Variants in SPATA2 observed in about 807,000 individuals in gnomAD.
The protein encoded by SPATA2 is spermatogenesis-associated protein 2.
A neutral mutation model predicts 35.4 loss-of-function variants in SPATA2; 8 were observed. The observed-to-expected ratio is 0.23, with a 90% CI of 0.13 to 0.41. The LOEUF (loss-of-function observed/expected upper bound fraction) is 0.41, where lower values mean the gene tolerates loss of function less well. SPATA2 is among the 10% of genes least tolerant of loss of function. The pLI, the probability that SPATA2 is intolerant of heterozygous loss-of-function variation, is 1.00. For synonymous variants in SPATA2, 293 were observed against 300.9 expected (o/e 0.97, Z 0.27); for missense variants, 650 against 698.7 (o/e 0.93, Z 0.79).
rs567233644 is a variant in SPATA2, at chr20:49,903,663, G to T, written c.*1956C>A. ...AGTCATTCCTGCTTTTGTCCATAGG[G>T]TAAGTTACGTGGCATCACGGTTGGT... On this transcript the variant is annotated 3_prime_UTR_variant, in exon 3 of 3. Coordinates refer to ENST00000289431, the MANE Select transcript of SPATA2 (RefSeq NM_006038.4). 3 of 152,062 alleles carry T rather than the reference G, an allele frequency of 2.0e-5. No homozygotes were observed. The South Asian group carries it at 6.2e-4, about 32-fold the overall frequency. The allele number at this position is 152,062 out of a possible 1,614,324, so 9.4% of individuals were successfully genotyped here.
chr20:49,903,914 T>TAG lies in SPATA2; in HGVS notation c.*1704_*1705insCT, dbSNP rs2090123315. 3.2e-5 allele frequency: 1 copy of TAG among 30,834 alleles called. No homozygotes were observed. The highest frequency in any genetic ancestry group is 4.2e-4 in the Admixed American group (1 of 2,396). The allele number at this position is 30,834 out of a possible 1,614,324, so 1.9% of individuals were successfully genotyped here. ...GATCTACCAGATAGATATATATATA[T>TAG]ATATATATATATATATATATATATA... On this transcript the variant is annotated 3_prime_UTR_variant, in exon 3 of 3. Transcript: ENST00000289431.
chr20:49,912,040 C>T (rs1445729884), intron 1 of SPATA2, among the ~76,000 whole-genome samples: 1 of 152,202 alleles, frequency 6.6e-6, no homozygotes, highest in Non-Finnish European at 1.5e-5. Flanking sequence ...GGAGACACAT[C>T]CTGCCTGCAG....
At chr20:49,907,609 C>T (rs1448068331) in intron 2 of SPATA2, among the ~76,000 whole-genome samples, 1 of 147,924 alleles carries the variant, frequency 6.8e-6, no homozygotes. Context: ...TACCACTCCT[C>T]CCATGGCAGA....
chr20:49,906,544 C>T lies in SPATA2; in HGVS notation c.638G>A (p.Arg213Gln), dbSNP rs762310104. 7.4e-6 allele frequency: 12 copies of T among 1,613,166 alleles called. No individual in the cohort carries two copies. Among genetic ancestry groups the T allele is most frequent in the East Asian group, 2.2e-5 (1 of 44,888 alleles). ...CAGGTGCTCCCGGCCCTCTGCCCGC[C>T]GCCGCAGGGCGTCCGAGCAGCCGCG... ...DVRGCSDALR[R>Q]RAEGREHLTA... Residue 213 changes from arginine (R) to glutamine (Q), a missense_variant, in exon 3 of 3, where the codon CGG becomes CAG. By Grantham distance (43) the Arg-to-Gln change is conservative. Transcript: ENST00000289431. The surrounding 1 kb of genome is among the most constrained non-coding windows in gnomAD (Gnocchi z 8.2).
rs376213512 is a variant in SPATA2 at position 49,908,540 on chromosome 20, C to T, written c.-50G>A. 7 of 1,455,064 alleles carry T rather than the reference C, an allele frequency of 4.8e-6. No homozygotes were observed. The African/African-American group carries it at 9.8e-5, about 20-fold the overall frequency. The allele number at this position is 1,455,064 out of a possible 1,614,324, so 90.1% of individuals were successfully genotyped here. A position where few individuals can be genotyped will look rare whatever the true frequency, so the allele number is the denominator to read the frequency against. On this transcript the variant is annotated 5_prime_UTR_variant, in exon 2 of 3. Transcript: ENST00000289431. Reference sequence around the variant, plus strand: ...TCCTCCATGGCTTCTGGATTAGAGGCAGGGACATCACTAAAAGCATGGACA... The same window carrying T: ...TCCTCCATGGCTTCTGGATTAGAGGTAGGGACATCACTAAAAGCATGGACA...
chr20:49,914,739 G>A (rs767000345), intron 1 of SPATA2, among the ~76,000 whole-genome samples: 7 of 152,214 alleles, frequency 4.6e-5, no homozygotes, highest in East Asian at 3.8e-4. Flanking sequence ...CCCTGCAGGG[G>A]ACAGAAGCTG....
rs376995025 is a variant in SPATA2 at position 49,905,395 on chromosome 20, G to C, written c.*224C>G. On this transcript the variant is annotated 3_prime_UTR_variant, in exon 3 of 3. Transcript: ENST00000289431. ...AGAGATTAGCAAAATGAATCTGAAC[G>C]GAAGTGCCACCTTCTCCCTTGTCAG... is the stretch of plus-strand genomic sequence containing the variant. 4 of 571,868 alleles carry C rather than the reference G, an allele frequency of 7.0e-6. No homozygotes were observed. Among genetic ancestry groups the C allele is most frequent in the Non-Finnish European group, 1.2e-5 (4 of 321,076 alleles). The allele number at this position is 571,868 out of a possible 1,614,324, so 35.4% of individuals were successfully genotyped here. A position where few individuals can be genotyped will look rare whatever the true frequency, so the allele number is the denominator to read the frequency against.
At chr20:49,909,464 G>A (rs572056909) in intron 1 of SPATA2, among the ~76,000 whole-genome samples, 44 of 152,232 alleles carry the variant, frequency 2.9e-4, no homozygotes, top group Non-Finnish European at 1.5e-4. Flanking sequence ...CCTGAACTTT[G>A]GGAGGCTGAC....
chr20:49,906,061 G>T lies in SPATA2; in HGVS notation c.1121C>A (p.Pro374His). 6.2e-7 allele frequency: 1 copy of T among 1,606,596 alleles called. No individual in the cohort carries two copies. ...AHSLYHKRSP[P>H]AKESALSKCQ... ...CTTGGAGAGGGCGGACTCTTTGGCA[G>T]GGGGCGAGCGCTTGTGGTAGAGGGA... The change falls in exon 3 of 3, where the codon CCT becomes CAT. Residue 374 changes from proline to histidine, a missense_variant. Physicochemically the swap from Pro to His is moderately conservative, Grantham distance 77. Coordinates refer to ENST00000289431, the MANE Select transcript of SPATA2 (RefSeq NM_006038.4). The surrounding 1 kb of genome is among the most constrained non-coding windows in gnomAD (Gnocchi z 8.2).
In SPATA2 at chr20:49,904,671, T is replaced by C. The variant is rs1315815946; in HGVS notation, c.*948A>G. ...GCTCAAGAAAAGGAGGCTTCATGTC[T>C]GTTCCTCCCTGCCCCAAACTCTCCT... On this transcript the variant is annotated 3_prime_UTR_variant, in exon 3 of 3. Transcript: ENST00000289431. 6.5e-6 allele frequency: 1 copy of C among 152,674 alleles called. No individual in the cohort carries two copies. The highest frequency in any genetic ancestry group is 2.4e-5 in the African/African-American group (1 of 41,442). The allele number at this position is 152,674 out of a possible 1,614,324, so 9.5% of individuals were successfully genotyped here. A position where few individuals can be genotyped will look rare whatever the true frequency, so the allele number is the denominator to read the frequency against.
chr20:49,907,856 A>T (rs892458951), intron 2 of SPATA2, among the ~76,000 whole-genome samples: 10 of 151,180 alleles, frequency 6.6e-5, no homozygotes, highest in Non-Finnish European at 7.4e-5. Flanking sequence ...TTCAGATGCA[A>T]GCCAGATCCC....
At chr20:49,909,034 T>C (rs765790802) in intron 1 of SPATA2, among the ~76,000 whole-genome samples, 2 of 152,154 alleles carry the variant, frequency 1.3e-5, no homozygotes, top group African/African-American at 2.4e-5. Flanking sequence ...TCGCTTACTT[T>C]TTTTTTGAGA....
At chr20:49,907,209 C>T (rs546859355) in intron 2 of SPATA2, among the ~76,000 whole-genome samples, 38 of 152,248 alleles carry the variant, frequency 2.5e-4, no homozygotes, top group African/African-American at 8.9e-4. Context: ...TACAGGCGCC[C>T]GCCAACACGC....
In SPATA2 at chr20:49,906,657, C is replaced by G; in HGVS notation, c.525G>C (p.Gln175His). The G allele has an allele frequency of 6.2e-7, 1 of 1,614,242 alleles. No homozygotes were observed. The highest frequency in any genetic ancestry group is 2.2e-5 in the East Asian group (1 of 44,884). The change falls in exon 3 of 3, where the codon CAG becomes CAC. Residue 175 changes from glutamine (Q) to histidine (H), a missense_variant. Coordinates refer to ENST00000289431, the MANE Select transcript of SPATA2 (RefSeq NM_006038.4). The surrounding 1 kb of genome is among the most constrained non-coding windows in gnomAD (Gnocchi z 8.2). ...TCACTTGTGAGTGGATTTCTAGCAT[C>G]TGCTCACACTCGACTTTGGCCAGAA... ...ELFLAKVECE[Q>H]MLEIHSQVKD...
At position 49,906,451 on chromosome 20, in the gene SPATA2, T is replaced by C. The variant is rs1405056851; in HGVS notation, c.731A>G (p.Lys244Arg). ...ASERAAKDYY[K>R]PRVTKPSRSV... Reference sequence around the variant, plus strand: ...CCTCGAGGGCTTGGTCACGCGGGGCTTGTAGTAGTCCTTGGCCGCCCGCTC... The same window carrying C: ...CCTCGAGGGCTTGGTCACGCGGGGCCTGTAGTAGTCCTTGGCCGCCCGCTC... The change falls in exon 3 of 3, where the codon AAG (lysine) becomes AGG (arginine). Residue 244 changes from lysine to arginine, a missense_variant. Transcript: ENST00000289431. The surrounding 1 kb of genome is among the most constrained non-coding windows in gnomAD (Gnocchi z 8.2). 10 of 1,611,824 alleles carry C rather than the reference T, an allele frequency of 6.2e-6. No individual in the cohort carries two copies. Among genetic ancestry groups the C allele is most frequent in the Non-Finnish European group, 8.5e-6 (10 of 1,179,982 alleles).
chr20:49,907,113 T>A (rs1351922312), intron 2 of SPATA2, among the ~76,000 whole-genome samples: 1 of 152,096 alleles, frequency 6.6e-6, no homozygotes, highest in Non-Finnish European at 1.5e-5. Context: ...CAGGGTGGAG[T>A]GCGGTGGTGC....
In SPATA2 at chr20:49,908,322, G is replaced by A; in HGVS notation, c.169C>T (p.Pro57Ser). The change falls in exon 2 of 3, where the codon CCC (proline) becomes TCC (serine). Residue 57 changes from proline (P) to serine (S), a missense_variant. By Grantham distance (74) the Pro-to-Ser change is moderately conservative. Coordinates refer to ENST00000289431, the MANE Select transcript of SPATA2 (RefSeq NM_006038.4). ...STLLSLHKVDPFYRFRLIQFY... is the reference protein window; with the variant it reads ...STLLSLHKVDSFYRFRLIQFY... Reference sequence around the variant, plus strand: ...TGGATCAGCCGGAATCGATAAAAGGGATCCACCTTGTGCAGGCTGAGCAGG... The same window carrying A: ...TGGATCAGCCGGAATCGATAAAAGGAATCCACCTTGTGCAGGCTGAGCAGG... 1 of 1,614,252 alleles carries A rather than the reference G, an allele frequency of 6.2e-7. No homozygotes were observed. Among genetic ancestry groups the A allele is most frequent in the Non-Finnish European group, 8.5e-7 (1 of 1,180,036 alleles).
Position 49,906,482 on chromosome 20 carries a change from C to A in SPATA2, c.700G>T (p.Ala234Ser). The A allele has an allele frequency of 6.2e-7, 1 of 1,611,256 alleles. No individual in the cohort carries two copies. Among genetic ancestry groups the A allele is most frequent in the Non-Finnish European group, 8.5e-7 (1 of 1,179,894 alleles). Residue 234 changes from alanine (A) to serine (S), a missense_variant, in exon 3 of 3, where the codon GCC becomes TCC. Coordinates refer to ENST00000289431, the MANE Select transcript of SPATA2 (RefSeq NM_006038.4). The surrounding 1 kb of genome is among the most constrained non-coding windows in gnomAD (Gnocchi z 8.2). ...SMSRVALQKS[A>S]SERAAKDYYK... ...TAGTCCTTGGCCGCCCGCTCGCTGG[C>A]CGACTTCTGGAGTGCCACTCGTGAC...
At chr20:49,911,278 T>C (rs1164275526) in intron 1 of SPATA2, among the ~76,000 whole-genome samples, 1 of 152,140 alleles carries the variant, frequency 6.6e-6, no homozygotes, top group African/African-American at 2.4e-5. Flanking sequence ...GCTGGTAAGC[T>C]CGTGGTAAGC....
Sources: gnomAD v4.1 joint callset for allele counts (sites outside exome capture counted in the v4.1 genomes callset) on GRCh38, gnomAD v4.1.1 for gene constraint, Gnocchi (gnomAD v3.1) non-coding constraint, MANE v1.5 for transcripts, NCBI Gene and HGNC (gene_info 2026-07-23, HGNC 2026-07-21) for gene names.